ASCC3: variants seen among roughly 807,000 people sequenced by gnomAD.
ASCC3 encodes ASC-1 complex subunit P200.
In ASCC3, 158 loss-of-function variants were observed where a neutral mutation model predicts 256.3. The ratio of observed to expected loss-of-function variants is 0.62; its 90% CI spans 0.54 to 0.70. The LOEUF (loss-of-function observed/expected upper bound fraction) is 0.70, where lower values mean the gene tolerates loss of function less well. Ranked by LOEUF, ASCC3 falls within the 30% of genes least tolerant of loss-of-function variation. ASCC3 has a pLI of 0.00. For missense variants in ASCC3, 2,259 were observed against 2,626.0 expected, an observed-to-expected ratio of 0.86 and a Z score of 3.05; for synonymous variants, 948 against 883.4, an observed-to-expected ratio of 1.07 and a Z score of -1.30.
At chr6:100,628,882 A>G in intron 27 of ASCC3, 133 bp downstream of exon 27, 1 of 836,438 alleles carries the variant, frequency 1.2e-6, no homozygotes, top group Non-Finnish European at 1.9e-6. Flanking sequence ...ATTCCACATT[A>G]TATACATACA....
chr6:100,632,326 CA>C (rs1774596974), intron 25 of ASCC3, among the ~76,000 whole-genome samples: 1 of 151,130 alleles, frequency 6.6e-6, no homozygotes, highest in African/African-American at 2.4e-5. Flanking sequence ...GAAGAAAAGA[CA>C]AATAAATGAG....
intron 29 of ASCC3, among the ~76,000 whole-genome samples, 157 bp from the exon 30 acceptor site, chr6:100,625,491 T>C (rs149248785): frequency 6.6e-6 from 1 of 152,186 alleles, no homozygotes; most frequent in East Asian, 1.9e-4. Flanking sequence ...TGGCAGCATA[T>C]TAGACAGATA....
chr6:100,767,731 C>T (rs1781727191), intron 8 of ASCC3, among the ~76,000 whole-genome samples: 1 of 151,922 alleles, frequency 6.6e-6, no homozygotes, highest in African/African-American at 2.4e-5. Context: ...GCCTCAGCCT[C>T]CCGAGTAGCT....
chr6:100,805,317 A>C (rs967089985), intron 5 of ASCC3, among the ~76,000 whole-genome samples: 8 of 152,102 alleles, frequency 5.3e-5, no homozygotes, highest in Non-Finnish European at 1.0e-4. Context: ...TTGGGTACAC[A>C]CAGACACAAA....
chr6:100,615,108 C>T (rs1261853744), intron 30 of ASCC3, among the ~76,000 whole-genome samples: 20 of 151,922 alleles, frequency 1.3e-4, no homozygotes, highest in Admixed American at 1.2e-3. Context: ...CTCTGTCTCC[C>T]AGGCTCAGGT....
chr6:100,679,874 G>A (rs535574639), intron 13 of ASCC3, 122 bp from the exon 14 acceptor site: 34 of 1,106,538 alleles, frequency 3.1e-5, no homozygotes, highest in East Asian at 3.0e-4. Context: ...ACAAATTTAC[G>A]AATTCTCCAA....
intron 8 of ASCC3, among the ~76,000 whole-genome samples, chr6:100,793,976 C>T (rs1332350274): frequency 6.6e-6 from 1 of 152,048 alleles, no homozygotes; most frequent in Non-Finnish European, 1.5e-5. Flanking sequence ...ATATCTCATT[C>T]TAAATTCTTC....
intron 8 of ASCC3, among the ~76,000 whole-genome samples, chr6:100,792,353 T>C (rs1199756358): frequency 1.3e-5 from 2 of 151,940 alleles, no homozygotes; most frequent in Admixed American, 6.6e-5. Flanking sequence ...TATCTTTAAA[T>C]GTATGAATTT....
intron 8 of ASCC3, among the ~76,000 whole-genome samples, chr6:100,781,580 C>T (rs1372765136): frequency 6.1e-5 from 9 of 148,352 alleles, no homozygotes; most frequent in Admixed American, 2.0e-4. Context: ...AGTAGAGACA[C>T]GGTTTCACCA....
chr6:100,871,172 T>C (rs1773722601), intron 1 of ASCC3, among the ~76,000 whole-genome samples: 1 of 151,950 alleles, frequency 6.6e-6, no homozygotes, highest in South Asian at 2.1e-4. Context: ...CTCGGCTCAC[T>C]GCAACCTCCA....
At chr6:100,589,497 G>A in intron 36 of ASCC3, 137 bp downstream of exon 36, 3 of 935,836 alleles carry the variant, frequency 3.2e-6, no homozygotes, top group Non-Finnish European at 4.8e-6. Flanking sequence ...TAGTCTAGAT[G>A]TGTTGCTTTG....
At chr6:100,674,194 ATCT>A (rs1776895484) in intron 14 of ASCC3, among the ~76,000 whole-genome samples, 1 of 152,022 alleles carries the variant, frequency 6.6e-6, no homozygotes, top group Admixed American at 6.6e-5. Flanking sequence ...ACTACAGAAA[ATCT>A]TCTCAAATCA....
intron 4 of ASCC3, among the ~76,000 whole-genome samples, chr6:100,818,653 C>A (rs1770878911): frequency 6.8e-6 from 1 of 147,866 alleles, no homozygotes. Context: ...GATACTTAAC[C>A]CACTAAGATT....
chr6:100,607,148 T>G, intron 30 of ASCC3, 60 bp from the exon 31 acceptor site: 1 of 1,542,198 alleles, frequency 6.5e-7, no homozygotes, highest in Non-Finnish European at 8.9e-7. Flanking sequence ...TTCATTAATT[T>G]TTCATGTTTC....
At chr6:100,545,053 A>T (rs1053963063) in intron 36 of ASCC3, among the ~76,000 whole-genome samples, 11 of 152,164 alleles carry the variant, frequency 7.2e-5, no homozygotes, top group Admixed American at 2.6e-4. Context: ...AAGAAAAACC[A>T]CATTATCATC....
At chr6:100,868,534 C>T (rs989618145) in intron 1 of ASCC3, among the ~76,000 whole-genome samples, 2 of 152,158 alleles carry the variant, frequency 1.3e-5, no homozygotes, top group African/African-American at 4.8e-5. Context: ...AACAGGCGAC[C>T]CAGTCGCTGT....
chr6:100,693,876 TAAAC>T (rs1028306832), intron 13 of ASCC3, among the ~76,000 whole-genome samples: 2 of 151,974 alleles, frequency 1.3e-5, no homozygotes, highest in Non-Finnish European at 1.5e-5. Flanking sequence ...AATAAATAAA[TAAAC>T]AAAAAGATTA....
At chr6:100,679,510 C>G in intron 14 of ASCC3, 108 bp downstream of exon 14, 1 of 1,504,330 alleles carries the variant, frequency 6.6e-7, no homozygotes, top group Non-Finnish European at 9.2e-7. Flanking sequence ...CATCATAAAT[C>G]TGCAAAATTA....
At chr6:100,786,837 T>C (rs879882023) in intron 8 of ASCC3, among the ~76,000 whole-genome samples, 14 of 152,314 alleles carry the variant, frequency 9.2e-5, no homozygotes, top group South Asian at 2.1e-4. Context: ...GGCATACTTA[T>C]ACATACCTGA....
Sources: gnomAD v4.1 joint callset for allele counts (sites outside exome capture counted in the v4.1 genomes callset) on GRCh38, gnomAD v4.1.1 for gene constraint, MANE v1.5 for transcripts, NCBI Gene and HGNC (gene_info 2026-07-23, HGNC 2026-07-21) for gene names.